The following BPIFB4 variants were observed in gnomAD, a reference collection of about 807,000 sequenced individuals.
BPIFB4 encodes BPI fold-containing family B member 4.
In BPIFB4, 62 loss-of-function variants were observed where a neutral mutation model predicts 69.2. The ratio of observed to expected loss-of-function variants is 0.90; its 90% CI spans 0.73 to 1.11. The LOEUF is 1.11. Ranked by LOEUF, BPIFB4 falls within the 50% of genes least tolerant of loss-of-function variation. BPIFB4 has a pLI of 0.00. For missense variants in BPIFB4, 789 were observed against 792.0 expected (o/e 1.00, Z 0.04); for synonymous variants, 330 against 332.7 (o/e 0.99, Z 0.09).
At position 33,092,505 on chromosome 20, in the gene BPIFB4, G is replaced by T. The variant is rs564724845; in HGVS notation, c.1191G>T (p.Gly397=). The change falls in exon 11 of 18, where the codon GGG becomes GGT. Residue 397 remains glycine (G), a synonymous_variant. Coordinates refer to ENST00000375483, the MANE Select transcript of BPIFB4 (RefSeq NM_182519.3). The part of the protein sequence containing the change: ...AGGGLIDYPL[G]WPAVSPKPMP... ...GAGGACTCATCGACTACCCATTGGGGTGGCCAGCTGTGTCTCCCAAGCCGA... is the reference window on the plus strand; with the variant it reads ...GAGGACTCATCGACTACCCATTGGGTTGGCCAGCTGTGTCTCCCAAGCCGA... 3 of 1,613,978 alleles carry T rather than the reference G, an allele frequency of 1.9e-6. No homozygotes were observed. Among genetic ancestry groups the T allele is most frequent in the Admixed American group, 3.3e-5 (2 of 60,004 alleles).
intron 3 of BPIFB4, among the ~76,000 whole-genome samples, 177 bp from the exon 4 acceptor site, chr20:33,082,761 A>G (rs953020326): frequency 6.6e-6 from 1 of 152,180 alleles, no homozygotes; most frequent in Non-Finnish European, 1.5e-5. Flanking sequence ...GCAGAAAATG[A>G]GCTGGCCAGG....
intron 14 of BPIFB4, among the ~76,000 whole-genome samples, chr20:33,101,307 C>T (rs1440096194): frequency 6.6e-6 from 1 of 152,164 alleles, no homozygotes; most frequent in East Asian, 1.9e-4. Flanking sequence ...ATGTGACCTG[C>T]TGCATTGGAT....
Position 33,083,759 on chromosome 20 carries a change from G to A in BPIFB4, c.562G>A (p.Gly188Ser), listed in dbSNP as rs538211477. 1.2e-6 allele frequency: 2 copies of A among 1,613,736 alleles called. No individual in the cohort carries two copies. The highest frequency in any genetic ancestry group is 1.7e-6 in the Non-Finnish European group (2 of 1,179,890). The change falls in exon 5 of 18, where the codon GGT becomes AGT. Residue 188 changes from glycine to serine, a missense_variant. Gly to Ser is a moderately conservative substitution (Grantham distance 56). This residue lies in a region of BPIFB4 where 611 missense variants were observed against 575.4 expected (regional missense o/e 1.06). Coordinates refer to ENST00000375483, the MANE Select transcript of BPIFB4 (RefSeq NM_182519.3). ...LAADGILAGQ[G>S]GLLGGGGLLG... ...AGCTGATGGCATCCTCGCAGGCCAAGGTGGCCTGCTCGGCGGAGGTGGTCT... is the reference window on the plus strand; with the variant it reads ...AGCTGATGGCATCCTCGCAGGCCAAAGTGGCCTGCTCGGCGGAGGTGGTCT...
intron 6 of BPIFB4, among the ~76,000 whole-genome samples, 189 bp downstream of exon 6, chr20:33,085,185 T>C (rs1247130129): frequency 6.6e-6 from 1 of 151,972 alleles, no homozygotes; most frequent in South Asian, 2.1e-4. Flanking sequence ...CTGGGAGTGG[T>C]GGCTCATGCC....
At chr20:33,103,215 G>A (rs77748728) in intron 15 of BPIFB4, among the ~76,000 whole-genome samples, 5,468 of 152,312 alleles carry the variant, frequency 0.036, 171 homozygotes, top group African/African-American at 0.086. Context: ...GAGGGGCAGA[G>A]GACAGACTCA....
intron 14 of BPIFB4, among the ~76,000 whole-genome samples, chr20:33,102,192 G>A (rs1804041878): frequency 1.3e-5 from 2 of 152,226 alleles, no homozygotes; most frequent in Admixed American, 6.5e-5. Context: ...GTGCCTGAGA[G>A]GGAGAGAGGC....
chr20:33,083,998 C>G (rs1453850133), intron 5 of BPIFB4, 124 bp downstream of exon 5: 1 of 1,203,100 alleles, frequency 8.3e-7, no homozygotes, highest in Non-Finnish European at 1.1e-6. Context: ...AGGGTTTGGC[C>G]TCAGGATTGG....
rs2889732 is a variant in BPIFB4 at position 33,088,998 on chromosome 20, A to C, written c.959A>C (p.Asn320Thr). The C allele has an allele frequency of 0.4, 653,011 of 1,613,326 alleles. 138,365 individuals are homozygous for C. The highest frequency in any genetic ancestry group is 0.79 in the East Asian group (35,311 of 44,838). ...CCCAATCTCGTGGACAATTTAGTGA[A>C]CCGAGTCCTGGCCGACGTCCTCCCT... Reference protein sequence around the residue: ...LLPNLVDNLVNRVLADVLPDL... With the variant: ...LLPNLVDNLVTRVLADVLPDL... The change falls in exon 8 of 18, where the codon AAC (asparagine) becomes ACC (threonine). Residue 320 changes from asparagine (N) to threonine (T), a missense_variant. Transcript: ENST00000375483.
At chr20:33,108,305 C>T (rs1193140792) in intron 17 of BPIFB4, among the ~76,000 whole-genome samples, 1 of 151,660 alleles carries the variant, frequency 6.6e-6, no homozygotes, top group East Asian at 1.9e-4. Context: ...ATGGCAGGTG[C>T]TTTGAAGTTC....
rs1982206836 is a variant in BPIFB4, at chr20:33,110,601, G to A, written c.1822-813G>A. 2.6e-5 allele frequency among the ~76,000 whole-genome samples: 4 copies of A among 152,166 alleles called. No homozygotes were observed. In the South Asian group the frequency reaches 8.3e-4, roughly 32 times the overall value. ...TCACGGTTTTGTCTGCAACTGTTAT[G>A]ACTGTGGTGTGTGCCTAATGGTGAT... On this transcript the variant is annotated intron_variant, in intron 17 of 17. Coordinates refer to ENST00000375483, the MANE Select transcript of BPIFB4 (RefSeq NM_182519.3).
Position 33,083,612 on chromosome 20 carries a change from T to C in BPIFB4, c.415T>C (p.Tyr139His), listed in dbSNP as rs368075586. The C allele has an allele frequency of 1.9e-6, 3 of 1,613,916 alleles. No individual in the cohort carries two copies. In the African/African-American group the frequency reaches 4.0e-5, roughly 22 times the overall value. Residue 139 changes from tyrosine (Y) to histidine (H), a missense_variant, in exon 5 of 18, where the codon TAC becomes CAC. Coordinates refer to ENST00000375483, the MANE Select transcript of BPIFB4 (RefSeq NM_182519.3). The stretch of plus-strand genomic sequence containing the variant: ...TGGAGGCCACAGGGGCCTCGGGCGA[T>C]ACAGGGCAGCACCTGTGGGCAGGCT... ...AYGGHRGLGR[Y>H]RAAPVGRLHR...
intron 13 of BPIFB4, among the ~76,000 whole-genome samples, chr20:33,099,351 C>T (rs746944789): frequency 8.5e-5 from 13 of 152,132 alleles, no homozygotes; most frequent in Non-Finnish European, 1.9e-4. Context: ...TTCTAGCCCA[C>T]GAGTGGGAAT....
chr20:33,083,984 C>T, intron 5 of BPIFB4, 110 bp downstream of exon 5: 1 of 1,317,598 alleles, frequency 7.6e-7, no homozygotes, highest in Non-Finnish European at 1.0e-6. Flanking sequence ...GCCCCACACA[C>T]TTCAGGGTTT....
At chr20:33,090,389 A>G (rs530100249) in intron 9 of BPIFB4, among the ~76,000 whole-genome samples, 1 of 152,350 alleles carries the variant, frequency 6.6e-6, no homozygotes, top group East Asian at 1.9e-4. Context: ...TCCCTGGTGC[A>G]CAGCACTTCA....
intron 17 of BPIFB4, among the ~76,000 whole-genome samples, chr20:33,110,899 T>G (rs768539105): frequency 6.9e-6 from 1 of 144,146 alleles, no homozygotes; most frequent in Non-Finnish European, 1.5e-5. Context: ...CACTGTAACC[T>G]CCACCTCCCG....
intron 15 of BPIFB4, among the ~76,000 whole-genome samples, chr20:33,103,530 G>C (rs1253231975): frequency 1.3e-5 from 2 of 152,210 alleles, no homozygotes; most frequent in Non-Finnish European, 1.5e-5. Context: ...AATCTGAGAT[G>C]CTCACATTCT....
chr20:33,096,130 A>G (rs1981746896), intron 12 of BPIFB4, among the ~76,000 whole-genome samples: 1 of 152,182 alleles, frequency 6.6e-6, no homozygotes, highest in Non-Finnish European at 1.5e-5. Flanking sequence ...TGCAAATTGA[A>G]CATCGGAAGG....
At position 33,090,748 on chromosome 20, in the gene BPIFB4, C is replaced by T; in HGVS notation, c.1092C>T (p.Thr364=). ...GGATATTGGGAAGTGTCCAGTACACCTTCTCCAGCCTCCCGCTTGTGACCG... is the reference window on the plus strand; with the variant it reads ...GGATATTGGGAAGTGTCCAGTACACTTTCTCCAGCCTCCCGCTTGTGACCG... ...PLGILGSVQY[T]FSSLPLVTGE... is the part of the protein sequence containing the mutation. The change falls in exon 10 of 18, where the codon ACC becomes ACT. Residue 364 remains threonine (T), a synonymous_variant. Coordinates refer to ENST00000375483, the MANE Select transcript of BPIFB4 (RefSeq NM_182519.3). 1 of 1,614,166 alleles carries T rather than the reference C, an allele frequency of 6.2e-7. No individual in the cohort carries two copies. Among genetic ancestry groups the T allele is most frequent in the Non-Finnish European group, 8.5e-7 (1 of 1,180,030 alleles).
chr20:33,084,964 C>A lies in BPIFB4; in HGVS notation c.750C>A (p.Ser250Arg). 2 of 1,612,106 alleles carry A rather than the reference C, an allele frequency of 1.2e-6. No individual in the cohort carries two copies. The highest frequency in any genetic ancestry group is 1.7e-6 in the Non-Finnish European group (2 of 1,179,990). Reference protein sequence around the residue: ...RLLPGVGVYLSLYTRVAINGK... With the variant: ...RLLPGVGVYLRLYTRVAINGK... ...TGCCCGGCGTGGGTGTCTACCTGAG[C>A]TTGTACACCCGTGTGGCCATCAACG... Residue 250 changes from serine (S) to arginine (R), a missense_variant, in exon 6 of 18, where the codon AGC becomes AGA. This residue lies in a region of BPIFB4 where 611 missense variants were observed against 575.4 expected (regional missense o/e 1.06). Coordinates refer to ENST00000375483, the MANE Select transcript of BPIFB4 (RefSeq NM_182519.3).
Sources: allele counts gnomAD v4.1 joint callset (sites outside exome capture counted in the v4.1 genomes callset), GRCh38; gene constraint gnomAD v4.1.1; regional missense constraint gnomAD v4.1.1; transcripts MANE v1.5; gene names NCBI Gene and HGNC (gene_info 2026-07-23, HGNC 2026-07-21).